DLG2: variants seen among roughly 807,000 people sequenced by gnomAD.
DLG2 encodes discs large MAGUK scaffold protein 2, also known as disks large homolog 2.
Under a neutral mutation model 132.5 loss-of-function variants are expected in DLG2, and 45 were observed. That is an observed-to-expected ratio of 0.34 (90% CI 0.27 to 0.44). The LOEUF is 0.44. Ranked by LOEUF, DLG2 falls within the 20% of genes least tolerant of loss-of-function variation. DLG2 has a pLI of 1.00. For synonymous variants in DLG2, 424 were observed against 419.6 expected (o/e 1.01, Z -0.13); for missense variants, 1,045 against 1,196.9 (o/e 0.87, Z 1.87).
intron 7 of DLG2, among the ~76,000 whole-genome samples, chr11:84,513,777 C>T (rs968155072): frequency 2.6e-5 from 4 of 151,058 alleles, no homozygotes; most frequent in African/African-American, 9.7e-5. Context: ...GTCCAGGCCC[C>T]CCAAAAAAAA....
chr11:83,692,390 T>C (rs1460553731), intron 18 of DLG2, among the ~76,000 whole-genome samples: 1 of 152,190 alleles, frequency 6.6e-6, no homozygotes, highest in Non-Finnish European at 1.5e-5. Context: ...GAGGGTTATA[T>C]AAAAGAATGT....
intron 6 of DLG2, among the ~76,000 whole-genome samples, chr11:84,911,363 G>T (rs897889883): frequency 5.9e-5 from 9 of 151,502 alleles, no homozygotes; most frequent in African/African-American, 2.2e-4. Context: ...ATCATTAAGG[G>T]AGTTTTATGA....
intron 3 of DLG2, among the ~76,000 whole-genome samples, chr11:85,380,703 GA>G (rs2152929795): frequency 6.6e-6 from 1 of 152,224 alleles, no homozygotes; most frequent in South Asian, 2.1e-4. Flanking sequence ...GAGTGACAGA[GA>G]AACAGAGAAG....
At chr11:84,155,370 C>T (rs76128516) in intron 9 of DLG2, among the ~76,000 whole-genome samples, 3,202 of 151,916 alleles carry the variant, frequency 0.021, 103 homozygotes, top group African/African-American at 0.074. Context: ...AAACTTTCAA[C>T]GTTTTATTTC....
At chr11:85,136,178 G>T (rs980862112) in intron 5 of DLG2, among the ~76,000 whole-genome samples, 1 of 152,174 alleles carries the variant, frequency 6.6e-6, no homozygotes, top group African/African-American at 2.4e-5. Context: ...CTTTATTTGA[G>T]AAAGAAGAGC....
intron 3 of DLG2, among the ~76,000 whole-genome samples, chr11:85,367,013 TA>T (rs2084610697): frequency 6.6e-6 from 1 of 152,180 alleles, no homozygotes; most frequent in South Asian, 2.1e-4. Flanking sequence ...AAAGTTTTAC[TA>T]AAGATACTGT....
At chr11:84,018,787 G>A (rs185011908) in intron 11 of DLG2, among the ~76,000 whole-genome samples, 1 of 150,060 alleles carries the variant, frequency 6.7e-6, no homozygotes, top group African/African-American at 2.4e-5. Context: ...TAAACTATAA[G>A]GTAAATAAAA....
chr11:85,407,882 C>T (rs935369161), intron 3 of DLG2, among the ~76,000 whole-genome samples: 4 of 151,610 alleles, frequency 2.6e-5, no homozygotes, highest in Admixed American at 6.6e-5. Context: ...TGGCTTTCTG[C>T]GGTTCTTGAA....
chr11:84,310,663 C>A (rs1197903790), intron 7 of DLG2, among the ~76,000 whole-genome samples: 2 of 152,136 alleles, frequency 1.3e-5, no homozygotes, highest in East Asian at 3.8e-4. Flanking sequence ...TTTCCCTTAC[C>A]TGGGGGACAG....
At chr11:84,295,290 TAATATTAA>T (rs2098074555) in intron 7 of DLG2, among the ~76,000 whole-genome samples, 1 of 152,212 alleles carries the variant, frequency 6.6e-6, no homozygotes, top group African/African-American at 2.4e-5. Flanking sequence ...TATGTTAAAA[TAATATTAA>T]TAGTATATGA....
chr11:84,373,257 AAAAAAAACAAAAC>A (rs2098714474), intron 7 of DLG2, among the ~76,000 whole-genome samples: 1 of 95,114 alleles, frequency 1.1e-5, no homozygotes, highest in African/African-American at 3.4e-5. Context: ...GTCAAAAAAA[AAAAAAAACAAAAC>A]AAAAAAAAAA....
intron 3 of DLG2, among the ~76,000 whole-genome samples, chr11:85,406,588 T>TA (rs563215503): frequency 1.0e-3 from 152 of 150,988 alleles, no homozygotes; most frequent in African/African-American, 3.1e-3. Context: ...TGAGAGCTGG[T>TA]AAAAAAAAAT....
chr11:85,026,408 C>T (rs650374), intron 6 of DLG2, among the ~76,000 whole-genome samples: 109,951 of 152,026 alleles, frequency 0.72, 41,200 homozygotes, highest in East Asian at 0.94. Context: ...AACAGCAATA[C>T]TAAAAGCATG....
intron 6 of DLG2, among the ~76,000 whole-genome samples, chr11:84,813,451 T>G (rs764048349): frequency 6.6e-6 from 1 of 152,108 alleles, no homozygotes; most frequent in Non-Finnish European, 1.5e-5. Context: ...TAGAAAATAA[T>G]AGCACTAACA....
At chr11:85,289,641 A>G (rs551156387) in intron 3 of DLG2, among the ~76,000 whole-genome samples, 5 of 152,254 alleles carry the variant, frequency 3.3e-5, no homozygotes, top group Non-Finnish European at 7.4e-5. Flanking sequence ...TTCTTCCAAC[A>G]TGCCTTGTTC....
intron 6 of DLG2, chr11:84,545,548 A>G (rs923324108): frequency 2.6e-6 from 1 of 391,016 alleles, no homozygotes; most frequent in Admixed American, 2.9e-5. Flanking sequence ...TTTGACAGGG[A>G]TGAATTTACT....
intron 17 of DLG2, among the ~76,000 whole-genome samples, chr11:83,816,802 A>G (rs1300460536): frequency 1.3e-5 from 2 of 152,182 alleles, no homozygotes; most frequent in Non-Finnish European, 2.9e-5. Flanking sequence ...TATACAAAAG[A>G]TATAACTACA....
At chr11:83,996,278 T>A (rs2094016963) in intron 11 of DLG2, among the ~76,000 whole-genome samples, 1 of 152,132 alleles carries the variant, frequency 6.6e-6, no homozygotes, top group Admixed American at 6.6e-5. Flanking sequence ...TGAAATATCA[T>A]CTCACCCCAG....
intron 10 of DLG2, among the ~76,000 whole-genome samples, chr11:84,074,563 CT>C (rs1280397727): frequency 6.8e-6 from 1 of 146,988 alleles, no homozygotes; most frequent in Non-Finnish European, 1.5e-5. Context: ...GAGTCTTGCT[CT>C]GTCGCCCAGG....
Sources: allele counts gnomAD v4.1 joint callset (sites outside exome capture counted in the v4.1 genomes callset), GRCh38; gene constraint gnomAD v4.1.1; transcripts MANE v1.5; gene names NCBI Gene and HGNC (gene_info 2026-07-23, HGNC 2026-07-21).